ARB2A: variants seen among roughly 807,000 people sequenced by gnomAD.
ARB2A encodes the protein ARB2 cotranscriptional regulator A, also known as cotranscriptional regulator ARB2A.
chr5:93,958,767 T>C, the ARB2A span: 1 of 1,472,526 alleles, frequency 6.8e-7, no homozygotes, highest in Admixed American at 2.2e-5. Flanking sequence ...ACCCAGGAAA[T>C]TGTACTTACA....
chr5:93,792,390 T>A, the ARB2A span, among the ~76,000 whole-genome samples: 1 of 151,800 alleles, frequency 6.6e-6, no homozygotes. Context: ...GATAGAAAAG[T>A]GAGAAAATTT....
chr5:93,920,150 G>A, the ARB2A span, among the ~76,000 whole-genome samples: 4 of 152,230 alleles, frequency 2.6e-5, no homozygotes, highest in Admixed American at 6.5e-5. Flanking sequence ...ATATACTATA[G>A]CTTTAGGGCT....
At chr5:93,733,118 T>C in the ARB2A span, 1 of 152,122 alleles carries the variant, frequency 6.6e-6, no homozygotes, top group African/African-American at 2.4e-5. Context: ...TAATTTTTTG[T>C]TGTTAAACTT....
chr5:93,909,254 T>C, the ARB2A span, among the ~76,000 whole-genome samples: 3 of 151,148 alleles, frequency 2.0e-5, no homozygotes, highest in Non-Finnish European at 4.5e-5. Flanking sequence ...CAGTGGAGAA[T>C]AACAGTTAGT....
the ARB2A span, among the ~76,000 whole-genome samples, chr5:93,816,858 A>C: frequency 6.6e-6 from 1 of 152,186 alleles, no homozygotes; most frequent in African/African-American, 2.4e-5. Flanking sequence ...TTAATGATGA[A>C]ATACCGAACA....
At chr5:93,799,701 C>T in the ARB2A span, among the ~76,000 whole-genome samples, 2 of 151,964 alleles carry the variant, frequency 1.3e-5, no homozygotes, top group Admixed American at 6.6e-5. Flanking sequence ...AATTATAAAG[C>T]GTTGAATATA....
At chr5:93,754,460 A>G in the ARB2A span, among the ~76,000 whole-genome samples, 2 of 152,202 alleles carry the variant, frequency 1.3e-5, no homozygotes, top group African/African-American at 4.8e-5. Context: ...AAAGGCACTT[A>G]GGGAGCACAT....
At chr5:93,902,187 A>G in the ARB2A span, among the ~76,000 whole-genome samples, 1 of 152,110 alleles carries the variant, frequency 6.6e-6, no homozygotes, top group Non-Finnish European at 1.5e-5. Flanking sequence ...TTATACAAAT[A>G]AAGGAAAATT....
At chr5:93,766,341 AG>A in the ARB2A span, among the ~76,000 whole-genome samples, 1 of 152,186 alleles carries the variant, frequency 6.6e-6, no homozygotes, top group African/African-American at 2.4e-5. Context: ...CAAATTTACA[AG>A]AAAAAAACAA....
At chr5:93,986,192 C>A in the ARB2A span, among the ~76,000 whole-genome samples, 1 of 150,948 alleles carries the variant, frequency 6.6e-6, no homozygotes, top group Non-Finnish European at 1.5e-5. Context: ...CTGGCCGCGA[C>A]CCCGTCTGGG....
chr5:93,965,369 A>C, the ARB2A span, among the ~76,000 whole-genome samples: 2 of 152,024 alleles, frequency 1.3e-5, no homozygotes, highest in Admixed American at 1.3e-4. Flanking sequence ...TTCAGCCAGC[A>C]ACCCTTATAA....
chr5:94,010,979 C>T, the ARB2A span, among the ~76,000 whole-genome samples: 2 of 152,118 alleles, frequency 1.3e-5, no homozygotes, highest in Non-Finnish European at 2.9e-5. Flanking sequence ...GTAACAAAAT[C>T]TGTCATTTTG....
the ARB2A span, among the ~76,000 whole-genome samples, chr5:94,094,302 C>A: frequency 6.6e-6 from 1 of 152,162 alleles, no homozygotes; most frequent in African/African-American, 2.4e-5. Context: ...TTTTTGCTTT[C>A]TCACCATGTC....
chr5:94,097,787 G>A, the ARB2A span, among the ~76,000 whole-genome samples: 1 of 151,686 alleles, frequency 6.6e-6, no homozygotes, highest in Admixed American at 6.6e-5. Flanking sequence ...CAACTGCTTT[G>A]CCAGAATGCA....
the ARB2A span, among the ~76,000 whole-genome samples, chr5:94,046,776 C>T: frequency 6.6e-6 from 1 of 152,162 alleles, no homozygotes; most frequent in African/African-American, 2.4e-5. Flanking sequence ...CAGCAAACAA[C>T]TAACCTGCTT....
At chr5:93,712,826 CA>C in the ARB2A span, among the ~76,000 whole-genome samples, 2 of 152,032 alleles carry the variant, frequency 1.3e-5, no homozygotes, top group African/African-American at 2.4e-5. Context: ...CTATAGTAAC[CA>C]AAACAACATG....
At chr5:94,093,669 C>A in the ARB2A span, among the ~76,000 whole-genome samples, 1 of 152,130 alleles carries the variant, frequency 6.6e-6, no homozygotes, top group Non-Finnish European at 1.5e-5. Flanking sequence ...TTATCACATG[C>A]AAAATGCATT....
At chr5:93,764,282 CA>C in the ARB2A span, among the ~76,000 whole-genome samples, 2 of 151,904 alleles carry the variant, frequency 1.3e-5, no homozygotes. Flanking sequence ...AAAAGATCAA[CA>C]AAATTGATTG....
At chr5:93,746,476 T>C in the ARB2A span, among the ~76,000 whole-genome samples, 1 of 152,232 alleles carries the variant, frequency 6.6e-6, no homozygotes, top group East Asian at 1.9e-4. Context: ...CTTTGATTTC[T>C]TTAATTTCAG....
Sources: allele counts gnomAD v4.1 joint callset (sites outside exome capture counted in the v4.1 genomes callset), GRCh38; gene constraint gnomAD v4.1.1; transcripts MANE v1.5; gene names NCBI Gene and HGNC (gene_info 2026-07-23, HGNC 2026-07-21).